Variants in IL1RL1 observed in about 807,000 individuals in gnomAD.
The protein encoded by IL1RL1 is interleukin-1 receptor-like 1.
Under a neutral mutation model 50.9 loss-of-function variants are expected in IL1RL1, and 32 were observed. The observed-to-expected ratio is 0.63, with a 90% CI of 0.47 to 0.84. The LOEUF (loss-of-function observed/expected upper bound fraction) is 0.84. IL1RL1 is among the 40% of genes least tolerant of loss of function. The pLI is 0.00. For synonymous variants in IL1RL1, 275 were observed against 236.0 expected (o/e 1.17, Z -1.51); for missense variants, 773 against 662.9 (o/e 1.17, Z -1.82).
At chr2:102,346,375 G>A (rs1209873091) in intron 8 of IL1RL1, among the ~76,000 whole-genome samples, 1 of 152,198 alleles carries the variant, frequency 6.6e-6, no homozygotes, top group Non-Finnish European at 1.5e-5. Flanking sequence ...CAGTTATGGA[G>A]CAAGGATTCA....
chr2:102,316,351 C>T (rs1252767995), intron 1 of IL1RL1, among the ~76,000 whole-genome samples: 2 of 152,134 alleles, frequency 1.3e-5, no homozygotes, highest in East Asian at 1.9e-4. Context: ...TATCTTATTT[C>T]CCGAACCTCA....
chr2:102,326,469 A>G (rs1367874460), intron 1 of IL1RL1, among the ~76,000 whole-genome samples: 5 of 152,026 alleles, frequency 3.3e-5, no homozygotes, highest in South Asian at 4.2e-4. Context: ...AATAGCAAAC[A>G]TCATAATGAT....
intron 4 of IL1RL1, among the ~76,000 whole-genome samples, 184 bp from the exon 5 acceptor site, chr2:102,340,482 A>T (rs1010305963): frequency 1.3e-5 from 2 of 152,106 alleles, no homozygotes; most frequent in Admixed American, 6.6e-5. Flanking sequence ...GTGTGGTGGC[A>T]CACACCTGTA....
intron 1 of IL1RL1, among the ~76,000 whole-genome samples, chr2:102,323,048 T>G (rs1172979791): frequency 6.6e-6 from 1 of 152,078 alleles, no homozygotes; most frequent in African/African-American, 2.4e-5. Flanking sequence ...TCCTTTTCAT[T>G]GCTGAGTAGT....
chr2:102,322,410 A>T (rs1275133377), intron 1 of IL1RL1, among the ~76,000 whole-genome samples: 1 of 152,202 alleles, frequency 6.6e-6, no homozygotes, highest in Admixed American at 6.5e-5. Context: ...AAATGATCGA[A>T]ACCAGAATTA....
chr2:102,326,360 C>A (rs1457143036), intron 1 of IL1RL1, among the ~76,000 whole-genome samples: 3 of 152,102 alleles, frequency 2.0e-5, no homozygotes, highest in Non-Finnish European at 2.9e-5. Context: ...AAGCACTAAA[C>A]ATGGAAAGGA....
At chr2:102,349,058 A>G in intron 9 of IL1RL1, 21 bp from the exon 10 acceptor site, 1 of 1,600,776 alleles carries the variant, frequency 6.2e-7, no homozygotes, top group Non-Finnish European at 8.6e-7. Flanking sequence ...AAGAAGTTGT[A>G]CTTCTTGTTT....
At chr2:102,332,260 T>C (rs1262456492) in intron 1 of IL1RL1, among the ~76,000 whole-genome samples, 3 of 152,094 alleles carry the variant, frequency 2.0e-5, no homozygotes, top group Non-Finnish European at 4.4e-5. Flanking sequence ...ATGAATGCCT[T>C]AGAAAAAGAT....
At chr2:102,351,392 A>T in intron 10 of IL1RL1, 144 bp from the exon 11 acceptor site, 2 of 711,526 alleles carry the variant, frequency 2.8e-6, no homozygotes, top group Non-Finnish European at 4.6e-6. Flanking sequence ...CTCTATCCAC[A>T]CATACTTCCA....
chr2:102,340,226 C>CT lies in IL1RL1; in HGVS notation c.402dup (p.Thr135TyrfsTer3). The CT allele has an allele frequency of 6.2e-7, 1 of 1,605,856 alleles. No homozygotes were observed. The highest frequency in any genetic ancestry group is 8.5e-7 in the Non-Finnish European group (1 of 1,177,710). ...GAAAAAAATTCCAAAATTTATTGTC[C>CT]TACCATTGACCTCTACAACTGGACA... On this transcript the variant is annotated frameshift_variant, in exon 4 of 11. Transcript: ENST00000233954. LOFTEE classifies it high-confidence loss of function.
At chr2:102,347,432 C>T (rs971814737) in intron 8 of IL1RL1, among the ~76,000 whole-genome samples, 2 of 152,200 alleles carry the variant, frequency 1.3e-5, no homozygotes, top group South Asian at 2.1e-4. Flanking sequence ...CAGAACCTGG[C>T]CCTGACCAAA....
At chr2:102,331,937 G>A (rs904188962) in intron 1 of IL1RL1, among the ~76,000 whole-genome samples, 9 of 151,832 alleles carry the variant, frequency 5.9e-5, no homozygotes, top group Admixed American at 2.0e-4. Context: ...GCATGGTGAT[G>A]TGTGCATGTA....
downstream of IL1RL1, chr2:102,352,109 C>G (rs1015814125): frequency 1.8e-6 from 1 of 565,046 alleles, no homozygotes; most frequent in African/African-American, 1.9e-5. Flanking sequence ...AAATTTTTCT[C>G]CTCAATCCTC....
chr2:102,351,217 C>T (rs756012299), intron 10 of IL1RL1, among the ~76,000 whole-genome samples: 14 of 152,090 alleles, frequency 9.2e-5, no homozygotes, highest in Non-Finnish European at 2.1e-4. Flanking sequence ...GAAGAATGAA[C>T]CAGAATTCTA....
At position 102,320,994 on chromosome 2, in the gene IL1RL1, C is replaced by T. The variant is rs571176663; in HGVS notation, c.-150+9371C>T. Among the ~76,000 whole-genome samples the T allele has an allele frequency of 3.9e-5, 6 of 152,324 alleles. No homozygotes were observed. The East Asian group carries it at 9.7e-4, about 25-fold the overall frequency. On this transcript the variant is annotated intron_variant, in intron 1 of 10. Coordinates refer to ENST00000233954, the MANE Select transcript of IL1RL1 (RefSeq NM_016232.5). The stretch of plus-strand genomic sequence containing the variant: ...GACTCACTCGCAATCTAGTCTCTAC[C>T]CCTCTCCAACCAGCTCTCACTGCTC...
intron 1 of IL1RL1, among the ~76,000 whole-genome samples, chr2:102,328,956 A>T (rs76886731): frequency 0.48 from 72,674 of 151,942 alleles, 17,660 homozygotes; most frequent in Middle Eastern, 0.64. Context: ...TCAAGCTACC[A>T]ATGACTTTCT....
intron 1 of IL1RL1, among the ~76,000 whole-genome samples, chr2:102,334,954 A>C (rs890392099): frequency 6.6e-6 from 1 of 152,128 alleles, no homozygotes; most frequent in African/African-American, 2.4e-5. Flanking sequence ...ATAAATAGGC[A>C]CATACAGGAT....
At chr2:102,330,322 A>G in intron 1 of IL1RL1, among the ~76,000 whole-genome samples, 1 of 141,430 alleles carries the variant, frequency 7.1e-6, no homozygotes, top group African/African-American at 2.5e-5. Flanking sequence ...GGGGAACATC[A>G]CACACCACGG....
intron 1 of IL1RL1, among the ~76,000 whole-genome samples, chr2:102,321,807 T>C (rs530617099): frequency 9.2e-5 from 14 of 152,302 alleles, no homozygotes; most frequent in South Asian, 2.1e-4. Flanking sequence ...CATAGCAAAT[T>C]TGAGATGATG....
Sources: gnomAD v4.1 joint callset for allele counts (sites outside exome capture counted in the v4.1 genomes callset) on GRCh38, gnomAD v4.1.1 for gene constraint, MANE v1.5 for transcripts, NCBI Gene and HGNC (gene_info 2026-07-23, HGNC 2026-07-21) for gene names.